Variants in MBNL2 observed in about 807,000 individuals in gnomAD.
MBNL2 encodes the protein muscleblind-like protein 2.
Under a neutral mutation model 41.9 loss-of-function variants are expected in MBNL2, and 17 were observed. The observed-to-expected ratio is 0.41, with a 90% CI of 0.28 to 0.61. The LOEUF (loss-of-function observed/expected upper bound fraction) is 0.61, where lower values mean the gene tolerates loss of function less well. MBNL2 is among the 20% of genes least tolerant of loss of function. The pLI is 0.35. For synonymous variants in MBNL2, 195 were observed against 182.9 expected, an observed-to-expected ratio of 1.07 and a Z score of -0.53; for missense variants, 336 against 505.6, an observed-to-expected ratio of 0.66 and a Z score of 3.22.
intron 2 of MBNL2, among the ~76,000 whole-genome samples, chr13:97,297,404 T>C (rs563573231): frequency 6.6e-6 from 1 of 152,276 alleles, no homozygotes; most frequent in African/African-American, 2.4e-5. Context: ...GCATGAGCTC[T>C]GGAAACACCT....
the MBNL2 span, among the ~76,000 whole-genome samples, chr13:97,214,545 A>G: frequency 2.0e-5 from 3 of 152,206 alleles, no homozygotes; most frequent in East Asian, 5.8e-4. Flanking sequence ...ATGTCCTTCC[A>G]TCCGATAGCC....
intron 2 of MBNL2, among the ~76,000 whole-genome samples, chr13:97,319,330 A>T (rs2059311914): frequency 6.6e-6 from 1 of 152,108 alleles, no homozygotes; most frequent in African/African-American, 2.4e-5. Context: ...GATTCTGGGG[A>T]CTTGGGTCTC....
At chr13:97,201,082 GA>G in the MBNL2 span, among the ~76,000 whole-genome samples, 5 of 151,158 alleles carry the variant, frequency 3.3e-5, no homozygotes, top group South Asian at 2.1e-4. Context: ...AGAAGAAGAA[GA>G]AAAAAAAACT....
At chr13:97,185,510 T>C in the MBNL2 span, among the ~76,000 whole-genome samples, 1 of 152,198 alleles carries the variant, frequency 6.6e-6, no homozygotes, top group Non-Finnish European at 1.5e-5. Context: ...ATTAGCCATA[T>C]TGAGCTCAAT....
At chr13:97,348,949 A>C (rs1467202283) in intron 5 of MBNL2, among the ~76,000 whole-genome samples, 1 of 152,218 alleles carries the variant, frequency 6.6e-6, no homozygotes, top group African/African-American at 2.4e-5. Context: ...CCCTGAGGTA[A>C]TCACCACCAG....
the MBNL2 span, among the ~76,000 whole-genome samples, chr13:97,202,884 G>A: frequency 6.6e-6 from 1 of 152,286 alleles, no homozygotes; most frequent in East Asian, 1.9e-4. Context: ...GGTTTGAACT[G>A]GGGCTGGACA....
chr13:97,209,926 CCTG>C, the MBNL2 span, among the ~76,000 whole-genome samples: 1 of 152,096 alleles, frequency 6.6e-6, no homozygotes. Context: ...CTCCCAAGTA[CCTG>C]GGATTACAGG....
chr13:97,163,326 A>G, the MBNL2 span, among the ~76,000 whole-genome samples: 1 of 152,240 alleles, frequency 6.6e-6, no homozygotes, highest in African/African-American at 2.4e-5. Flanking sequence ...CAGCAGCTAA[A>G]GAAGCCAGGC....
chr13:97,382,113 A>G (rs2065502130), intron 8 of MBNL2, among the ~76,000 whole-genome samples: 1 of 152,120 alleles, frequency 6.6e-6, no homozygotes, highest in Non-Finnish European at 1.5e-5. Context: ...CACATATTAT[A>G]TATTTTTTCT....
intron 8 of MBNL2, among the ~76,000 whole-genome samples, chr13:97,371,208 A>G (rs1021022750): frequency 1.3e-5 from 2 of 152,196 alleles, no homozygotes; most frequent in Non-Finnish European, 2.9e-5. Flanking sequence ...TTTTCAAATA[A>G]ATATACTTTA....
At chr13:97,271,117 T>TTG (rs1454340404) in intron 1 of MBNL2, among the ~76,000 whole-genome samples, 82 of 150,868 alleles carry the variant, frequency 5.4e-4, no homozygotes, top group African/African-American at 9.8e-4. Flanking sequence ...TTTTTGTTTT[T>TTG]TTTTTTTTGT....
intron 1 of MBNL2, among the ~76,000 whole-genome samples, chr13:97,259,012 C>G (rs747139067): frequency 1.3e-5 from 2 of 152,186 alleles, no homozygotes; most frequent in Non-Finnish European, 2.9e-5. Flanking sequence ...CTCAAAAATG[C>G]AGTCTTTCCT....
chr13:97,199,346 C>A, the MBNL2 span, among the ~76,000 whole-genome samples: 242 of 152,110 alleles, frequency 1.6e-3, 2 homozygotes, highest in African/African-American at 5.7e-3. Context: ...CAGCTATGGC[C>A]ACTTCATGTA....
the MBNL2 span, among the ~76,000 whole-genome samples, chr13:97,212,109 A>G: frequency 6.6e-6 from 1 of 152,328 alleles, no homozygotes; most frequent in African/African-American, 2.4e-5. Context: ...GCTCTTGATA[A>G]TGGTGCCCTT....
At chr13:97,220,083 C>A (rs1278625054), upstream of MBNL2, among the ~76,000 whole-genome samples, 1 of 152,158 alleles carries the variant, frequency 6.6e-6, no homozygotes, top group Non-Finnish European at 1.5e-5. Context: ...GATATCAATT[C>A]TTGAGATAGG....
the MBNL2 span, among the ~76,000 whole-genome samples, chr13:97,148,661 C>T: frequency 6.6e-6 from 1 of 152,076 alleles, no homozygotes; most frequent in Non-Finnish European, 1.5e-5. Flanking sequence ...AATGATCATG[C>T]AGACTAAGAG....
At chr13:97,255,427 G>A (rs370439633) in intron 1 of MBNL2, among the ~76,000 whole-genome samples, 19 of 152,110 alleles carry the variant, frequency 1.2e-4, no homozygotes, top group Non-Finnish European at 2.2e-4. Context: ...CTTGGGCCAC[G>A]TAGCCACTCA....
the MBNL2 span, among the ~76,000 whole-genome samples, chr13:97,160,187 G>T: frequency 6.6e-6 from 1 of 152,142 alleles, no homozygotes; most frequent in African/African-American, 2.4e-5. Context: ...TAATTCTACG[G>T]TGAAAGAGCC....
chr13:97,278,132 G>A (rs2052557671), intron 2 of MBNL2, among the ~76,000 whole-genome samples: 1 of 151,130 alleles, frequency 6.6e-6, no homozygotes, highest in South Asian at 2.1e-4. Context: ...GTGCATGCCT[G>A]TAATCCAGCT....
Sources: gnomAD v4.1 joint callset for allele counts (sites outside exome capture counted in the v4.1 genomes callset) on GRCh38, gnomAD v4.1.1 for gene constraint, MANE v1.5 for transcripts, NCBI Gene and HGNC (gene_info 2026-07-23, HGNC 2026-07-21) for gene names.